Variants in XIRP2 observed in about 807,000 individuals in gnomAD.
XIRP2 encodes xin actin binding repeat containing 2.
Under a neutral mutation model 277.0 loss-of-function variants are expected in XIRP2, and 236 were observed. The ratio of observed to expected loss-of-function variants is 0.85; its 90% CI spans 0.77 to 0.95. The LOEUF (loss-of-function observed/expected upper bound fraction) is 0.95. XIRP2 is among the 40% of genes least tolerant of loss of function. XIRP2 has a pLI of 0.00. For synonymous variants in XIRP2, 1,490 were observed against 1,416.5 expected, an observed-to-expected ratio of 1.05 and a Z score of -1.17; for missense variants, 4,640 against 4,157.5, an observed-to-expected ratio of 1.12 and a Z score of -3.19.
chr2:167,199,641 T>A (rs1693621184), intron 3 of XIRP2, among the ~76,000 whole-genome samples: 1 of 152,196 alleles, frequency 6.6e-6, no homozygotes, highest in African/African-American at 2.4e-5. Flanking sequence ...CTAGTGGATA[T>A]TTTAACCAGT....
intron 5 of XIRP2, among the ~76,000 whole-genome samples, chr2:167,232,451 AT>A (rs1236618935): frequency 6.6e-6 from 1 of 150,842 alleles, no homozygotes; most frequent in East Asian, 1.9e-4. Flanking sequence ...AGAAAAAAAA[AT>A]GTACATATTG....
At chr2:167,023,183 A>G (rs571240496) in intron 2 of XIRP2, among the ~76,000 whole-genome samples, 7 of 152,116 alleles carry the variant, frequency 4.6e-5, no homozygotes, top group Admixed American at 1.3e-4. Flanking sequence ...TGTGGTTTTC[A>G]TTTGCATTTC....
chr2:167,123,084 C>A (rs555569759), intron 2 of XIRP2, among the ~76,000 whole-genome samples: 2 of 152,236 alleles, frequency 1.3e-5, no homozygotes, highest in South Asian at 4.1e-4. Flanking sequence ...AAGAATGTAT[C>A]TCATTTTGAT....
intron 2 of XIRP2, among the ~76,000 whole-genome samples, chr2:167,129,869 C>CAAAA (rs11335228): frequency 1.0e-5 from 1 of 97,036 alleles, no homozygotes; most frequent in Non-Finnish European, 2.5e-5. Flanking sequence ...AACTCAGTCT[C>CAAAA]AAAAAAAAAA....
chr2:167,249,995 A>G lies in XIRP2; in HGVS notation c.8603A>G (p.Asn2868Ser), dbSNP rs1440025249. ...IDAHLDSQTQ[N>S]FQQTQIQTAE... ...GCACATCTTGATTCACAGACTCAGA[A>G]TTTTCAGCAAACACAAATACAGACC... Residue 2868 changes from asparagine to serine, a missense_variant, in exon 9 of 11, where the codon AAT becomes AGT. Physicochemically the swap from Asn to Ser is conservative, Grantham distance 46. Transcript: ENST00000409195. 1 of 1,613,626 alleles carries G rather than the reference A, an allele frequency of 6.2e-7. No homozygotes were observed. The highest frequency in any genetic ancestry group is 2.2e-5 in the East Asian group (1 of 44,818).
Position 167,127,557 on chromosome 2 carries a change from T to A in XIRP2, c.409-8352T>A, listed in dbSNP as rs530555966. On this transcript the variant is annotated intron_variant, in intron 2 of 10. Coordinates refer to ENST00000409195, the MANE Select transcript of XIRP2 (RefSeq NM_152381.6). ...GTTTCACAGCTATCTATACTGATTC[T>A]GCATGTTCTAATTCAATAATAATTG... Among the ~76,000 whole-genome samples the A allele has an allele frequency of 2.0e-5, 3 of 152,298 alleles. No individual in the cohort carries two copies. The East Asian group carries it at 5.8e-4, about 29-fold the overall frequency.
intron 2 of XIRP2, among the ~76,000 whole-genome samples, chr2:167,026,096 C>G (rs1688149282): frequency 6.6e-6 from 1 of 152,086 alleles, no homozygotes; most frequent in African/African-American, 2.4e-5. Context: ...GTCTAAGTCT[C>G]TTTGAAGGTC....
At chr2:166,919,133 A>G (rs1034493831) in intron 2 of XIRP2, among the ~76,000 whole-genome samples, 13 of 152,146 alleles carry the variant, frequency 8.5e-5, no homozygotes, top group Non-Finnish European at 1.9e-4. Flanking sequence ...TTTATGATAC[A>G]TAATACAGTG....
intron 3 of XIRP2, among the ~76,000 whole-genome samples, chr2:167,166,404 T>C (rs769653293): frequency 1.3e-5 from 2 of 152,226 alleles, no homozygotes; most frequent in Non-Finnish European, 2.9e-5. Context: ...GAGTGTTCCA[T>C]GTGAACCTGA....
Position 167,243,639 on chromosome 2 carries a change from C to A in XIRP2, c.2247C>A (p.Gly749=). 4 of 1,613,720 alleles carry A rather than the reference C, an allele frequency of 2.5e-6. No individual in the cohort carries two copies. The highest frequency in any genetic ancestry group is 2.5e-6 in the Non-Finnish European group (3 of 1,179,926). Residue 749 remains glycine (G), a synonymous_variant, in exon 9 of 11, where the codon GGC becomes GGA. Coordinates refer to ENST00000409195, the MANE Select transcript of XIRP2 (RefSeq NM_152381.6). ...QPLYVIRDGS[G]QMLEIKTVHR... is the part of the protein sequence containing the mutation. ...TATATGTTATTAGAGATGGTTCGGG[C>A]CAAATGCTGGAAATTAAAACTGTTC...
At chr2:167,212,696 A>G (rs375689922) in intron 4 of XIRP2, among the ~76,000 whole-genome samples, 2 of 152,160 alleles carry the variant, frequency 1.3e-5, no homozygotes, top group Non-Finnish European at 2.9e-5. Context: ...ACTGAATTCA[A>G]CTTCTTCCTC....
chr2:166,938,792 A>G (rs1361642020), intron 2 of XIRP2, among the ~76,000 whole-genome samples: 1 of 152,180 alleles, frequency 6.6e-6, no homozygotes, highest in African/African-American at 2.4e-5. Flanking sequence ...TATTGGGTGC[A>G]TATATATTTA....
intron 2 of XIRP2, among the ~76,000 whole-genome samples, chr2:167,120,909 T>G (rs1691038354): frequency 6.6e-6 from 1 of 152,192 alleles, no homozygotes; most frequent in Non-Finnish European, 1.5e-5. Context: ...TGTCTTATGA[T>G]TTCATTGATT....
Position 167,178,040 on chromosome 2 carries a change from A to C in XIRP2, c.563-32695A>C, listed in dbSNP as rs148893161. ...TGCAACATTATTCAGTAAAAACAAAAAAAAAAAAAGCAAATGTGGAGCACT... is the reference window on the plus strand; with the variant it reads ...TGCAACATTATTCAGTAAAAACAAACAAAAAAAAAGCAAATGTGGAGCACT... On this transcript the variant is annotated intron_variant, in intron 3 of 10. Transcript: ENST00000409195. Among the ~76,000 whole-genome samples, 322 of 152,202 alleles carry C rather than the reference A, an allele frequency of 2.1e-3. 1 individual carries two copies. The highest frequency in any genetic ancestry group is 6.5e-3 in the African/African-American group (269 of 41,546).
At chr2:166,966,448 T>G (rs2105414271) in intron 2 of XIRP2, among the ~76,000 whole-genome samples, 1 of 152,032 alleles carries the variant, frequency 6.6e-6, no homozygotes, top group Non-Finnish European at 1.5e-5. Context: ...TTATATATAT[T>G]TGTTTTATAT....
At chr2:167,256,734 A>T (rs2105456275) in intron 10 of XIRP2, among the ~76,000 whole-genome samples, 1 of 152,020 alleles carries the variant, frequency 6.6e-6, no homozygotes, top group South Asian at 2.1e-4. Flanking sequence ...GAAGGATAAA[A>T]ATCAGGATGG....
At chr2:167,224,118 A>T (rs901668391) in intron 5 of XIRP2, among the ~76,000 whole-genome samples, 1 of 152,144 alleles carries the variant, frequency 6.6e-6, no homozygotes, top group African/African-American at 2.4e-5. Context: ...CAAGAACAAG[A>T]AGGGGGAACT....
chr2:167,031,887 T>A (rs1270813550), intron 2 of XIRP2, among the ~76,000 whole-genome samples: 2 of 152,110 alleles, frequency 1.3e-5, no homozygotes, highest in Non-Finnish European at 2.9e-5. Context: ...CCCAAAGTAA[T>A]TTATAGATTC....
chr2:167,022,714 C>A (rs1488993551), intron 2 of XIRP2, among the ~76,000 whole-genome samples: 3 of 151,926 alleles, frequency 2.0e-5, no homozygotes, highest in African/African-American at 7.3e-5. Context: ...GTTTTTTGTC[C>A]TTGCGGTAGT....
Sources: allele counts gnomAD v4.1 joint callset (sites outside exome capture counted in the v4.1 genomes callset), GRCh38; gene constraint gnomAD v4.1.1; transcripts MANE v1.5; gene names NCBI Gene and HGNC (gene_info 2026-07-23, HGNC 2026-07-21).